The following KLHDC10 variants were observed in gnomAD, a reference collection of about 807,000 sequenced individuals.
KLHDC10 encodes kelch domain-containing protein 10.
Under a neutral mutation model 56.1 loss-of-function variants are expected in KLHDC10, and 24 were observed. The observed-to-expected ratio is 0.43, with a 90% CI of 0.31 to 0.60. The LOEUF (loss-of-function observed/expected upper bound fraction) is 0.60, where lower values mean the gene tolerates loss of function less well. KLHDC10 is among the 20% of genes least tolerant of loss of function. The pLI, the probability that KLHDC10 is intolerant of heterozygous loss-of-function variation, is 0.11. For synonymous variants in KLHDC10, 188 were observed against 207.1 expected (o/e 0.91, Z 0.79); for missense variants, 349 against 567.0 (o/e 0.62, Z 3.91).
intron 1 of KLHDC10, among the ~76,000 whole-genome samples, chr7:130,091,014 AT>A (rs113843197): frequency 3.9e-4 from 58 of 148,910 alleles, no homozygotes; most frequent in African/African-American, 1.1e-3. Context: ...TTTTGACACT[AT>A]TTTTTTTTTC....
chr7:130,122,536 C>T (rs929061961), intron 5 of KLHDC10, among the ~76,000 whole-genome samples: 1 of 152,062 alleles, frequency 6.6e-6, no homozygotes, highest in East Asian at 1.9e-4. Context: ...AAACAGTTAC[C>T]GTCCAGTTAC....
chr7:130,108,829 C>T (rs1214858050), intron 2 of KLHDC10, among the ~76,000 whole-genome samples: 1 of 152,114 alleles, frequency 6.6e-6, no homozygotes, highest in African/African-American at 2.4e-5. Flanking sequence ...GCTCCCTCTC[C>T]TCTCTCCCTT....
Position 130,134,013 on chromosome 7 carries a change from A to G in KLHDC10, c.*3267A>G, listed in dbSNP as rs1796434965. The G allele has an allele frequency of 6.6e-6, 1 of 152,216 alleles. No individual in the cohort carries two copies. Among genetic ancestry groups the G allele is most frequent in the Admixed American group, 6.5e-5 (1 of 15,286 alleles). The allele number at this position is 152,216 out of a possible 1,614,324, so 9.4% of individuals were successfully genotyped here. A position where few individuals can be genotyped will look rare whatever the true frequency, so the allele number is the denominator to read the frequency against. On this transcript the variant is annotated 3_prime_UTR_variant, in exon 10 of 10. Transcript: ENST00000335420. Reference sequence around the variant, plus strand: ...TTAAATAGCTAGATTTTAAAGCATAATAAGCATATTAACATTTTTAAGCAA... The same window carrying G: ...TTAAATAGCTAGATTTTAAAGCATAGTAAGCATATTAACATTTTTAAGCAA...
intron 1 of KLHDC10, among the ~76,000 whole-genome samples, chr7:130,075,099 A>G (rs1164992860): frequency 1.3e-5 from 2 of 152,226 alleles, no homozygotes; most frequent in Non-Finnish European, 2.9e-5. Context: ...TTACTAACTC[A>G]TAATTTCTAT....
At chr7:130,100,950 A>G (rs1267682890) in intron 2 of KLHDC10, among the ~76,000 whole-genome samples, 1 of 151,958 alleles carries the variant, frequency 6.6e-6, no homozygotes, top group Non-Finnish European at 1.5e-5. Context: ...CTCAGATGTC[A>G]TTGGAAATGA....
Position 130,130,621 on chromosome 7 carries a change from G to A in KLHDC10, c.1204G>A (p.Val402Ile). Residue 402 changes from valine to isoleucine, a missense_variant, in exon 10 of 10, where the codon GTA (valine) becomes ATA (isoleucine). Transcript: ENST00000335420. The surrounding 1 kb of genome is among the most constrained non-coding windows in gnomAD (Gnocchi z 4.2). ...TGSLFKIWLV[V>I]PSLLELAWEK... ...GTCATTGTTTAAGATCTGGCTGGTG[G>A]TACCTAGCCTGCTGGAACTGGCATG... The A allele has an allele frequency of 6.2e-7, 1 of 1,614,008 alleles. No homozygotes were observed. The highest frequency in any genetic ancestry group is 8.5e-7 in the Non-Finnish European group (1 of 1,179,926).
chr7:130,098,004 A>G (rs575553550), intron 2 of KLHDC10, among the ~76,000 whole-genome samples: 57 of 152,110 alleles, frequency 3.7e-4, no homozygotes, highest in African/African-American at 1.3e-3. Flanking sequence ...AACCCAGTGT[A>G]TCTAATTTTA....
intron 2 of KLHDC10, among the ~76,000 whole-genome samples, chr7:130,107,843 CAAAA>C (rs3043725): frequency 8.5e-4 from 22 of 26,030 alleles, no homozygotes; most frequent in South Asian, 3.0e-3. Flanking sequence ...GACTCCGTCT[CAAAA>C]AAAAAAAAAA....
rs896842692 is a variant in KLHDC10, at chr7:130,134,811, C to G, written c.*4065C>G. 1 of 152,066 alleles carries G rather than the reference C, an allele frequency of 6.6e-6. No individual in the cohort carries two copies. The highest frequency in any genetic ancestry group is 2.4e-5 in the African/African-American group (1 of 41,398). The allele number at this position is 152,066 out of a possible 1,614,324, so 9.4% of individuals were successfully genotyped here. On this transcript the variant is annotated 3_prime_UTR_variant, in exon 10 of 10. Coordinates refer to ENST00000335420, the MANE Select transcript of KLHDC10 (RefSeq NM_014997.4). ...GTTTATGGTCCTCTGATCATAAGCT[C>G]CATTCTAAAAACTGGTCACTGTTAG...
intron 2 of KLHDC10, among the ~76,000 whole-genome samples, chr7:130,114,375 C>G (rs1796140332): frequency 6.6e-6 from 1 of 152,162 alleles, no homozygotes; most frequent in South Asian, 2.1e-4. Flanking sequence ...CTCACAGCCT[C>G]CTAGAAAGTT....
At chr7:130,109,349 C>A (rs146656651) in intron 2 of KLHDC10, among the ~76,000 whole-genome samples, 2 of 151,778 alleles carry the variant, frequency 1.3e-5, no homozygotes, top group East Asian at 3.9e-4. Context: ...CAGCCACCCA[C>A]GTAGCTGGGA....
At chr7:130,118,115 A>G (rs1259685703) in intron 3 of KLHDC10, among the ~76,000 whole-genome samples, 1 of 152,070 alleles carries the variant, frequency 6.6e-6, no homozygotes, top group Non-Finnish European at 1.5e-5. Flanking sequence ...TGGGGGTTGC[A>G]ATAAGCCAAG....
At chr7:130,126,038 C>A in intron 7 of KLHDC10, 107 bp downstream of exon 7, 1 of 803,894 alleles carries the variant, frequency 1.2e-6, no homozygotes, top group Non-Finnish European at 1.9e-6. Context: ...AAGTTAAATA[C>A]CTGTTGGGCT....
Position 130,070,630 on chromosome 7 carries a change from A to G in KLHDC10, c.-14A>G, listed in dbSNP as rs377703017. ...GCGCTGACGGGACCGGGCTGCGGCA[A>G]TCGTTAGCGGGTCATGTCGGCCGCC... is the stretch of plus-strand genomic sequence containing the variant. On this transcript the variant is annotated 5_prime_UTR_variant, in exon 1 of 10. Transcript: ENST00000335420. The G allele has an allele frequency of 6.0e-4, 785 of 1,316,240 alleles. No individual in the cohort carries two copies. Among genetic ancestry groups the G allele is most frequent in the Non-Finnish European group, 6.6e-4 (678 of 1,027,758 alleles). The allele number at this position is 1,316,240 out of a possible 1,614,324, so 81.5% of individuals were successfully genotyped here. A position where few individuals can be genotyped will look rare whatever the true frequency, so the allele number is the denominator to read the frequency against.
intron 2 of KLHDC10, among the ~76,000 whole-genome samples, chr7:130,098,650 A>G (rs774154326): frequency 9.2e-5 from 14 of 152,092 alleles, no homozygotes; most frequent in Admixed American, 2.6e-4. Context: ...TGTGCTGAAT[A>G]AAGCATAAAT....
intron 1 of KLHDC10, among the ~76,000 whole-genome samples, chr7:130,086,031 T>G (rs1795685445): frequency 1.3e-5 from 2 of 152,098 alleles, no homozygotes; most frequent in Non-Finnish European, 2.9e-5. Flanking sequence ...ATGTAATTAC[T>G]TAGAATTTTG....
At chr7:130,100,081 G>A (rs538788293) in intron 2 of KLHDC10, among the ~76,000 whole-genome samples, 4 of 151,484 alleles carry the variant, frequency 2.6e-5, no homozygotes, top group Admixed American at 2.6e-4. Flanking sequence ...ATTCCAGCCT[G>A]GGTGAAAGAG....
chr7:130,088,432 G>A (rs553522062), intron 1 of KLHDC10, among the ~76,000 whole-genome samples: 72 of 148,196 alleles, frequency 4.9e-4, no homozygotes, highest in Admixed American at 1.1e-3. Flanking sequence ...GCACCACCAC[G>A]CCTGGCTAAT....
At chr7:130,110,163 A>C (rs1233930744) in intron 2 of KLHDC10, among the ~76,000 whole-genome samples, 4 of 152,194 alleles carry the variant, frequency 2.6e-5, no homozygotes, top group African/African-American at 9.7e-5. Flanking sequence ...TGGCAGGACT[A>C]CCACTGAAAT....
Sources: gnomAD v4.1 joint callset for allele counts (sites outside exome capture counted in the v4.1 genomes callset) on GRCh38, gnomAD v4.1.1 for gene constraint, Gnocchi (gnomAD v3.1) non-coding constraint, MANE v1.5 for transcripts, NCBI Gene and HGNC (gene_info 2026-07-23, HGNC 2026-07-21) for gene names.